The following CC2D2A variants were observed in gnomAD, a reference collection of about 807,000 sequenced individuals.
The protein encoded by CC2D2A is coiled-coil and C2 domain-containing protein 2A.
Under a neutral mutation model 212.9 loss-of-function variants are expected in CC2D2A, and 155 were observed. That is an observed-to-expected ratio of 0.73 (90% CI 0.64 to 0.83). The LOEUF (loss-of-function observed/expected upper bound fraction) is 0.83, where lower values mean the gene tolerates loss of function less well. Among genes scored for constraint, CC2D2A ranks in the 40% least tolerant of loss-of-function variants. The pLI, the probability that CC2D2A is intolerant of heterozygous loss-of-function variation, is 0.00. For missense variants in CC2D2A, 1,856 were observed against 1,956.2 expected (o/e 0.95, Z 0.97); for synonymous variants, 667 against 686.5 (o/e 0.97, Z 0.44).
At chr4:15,524,447 A>ATTTTTTTTTTT (rs71179636) in intron 11 of CC2D2A, among the ~76,000 whole-genome samples, 2 of 89,970 alleles carry the variant, frequency 2.2e-5, no homozygotes, top group Admixed American at 1.3e-4. Flanking sequence ...AAAATTTTTA[A>ATTTTTTTTTTT]TTTTTTTTTT....
intron 15 of CC2D2A, among the ~76,000 whole-genome samples, chr4:15,537,372 T>G (rs1344944205): frequency 6.6e-6 from 1 of 152,216 alleles, no homozygotes; most frequent in East Asian, 1.9e-4. Context: ...AATGCATGTG[T>G]CCAGCACTGT....
intron 11 of CC2D2A, among the ~76,000 whole-genome samples, chr4:15,521,429 C>T (rs1717194494): frequency 6.6e-6 from 1 of 151,996 alleles, no homozygotes. Flanking sequence ...TTCAGTCTGT[C>T]TCTTGCCAAA....
At chr4:15,557,599 G>T in intron 21 of CC2D2A, 92 bp downstream of exon 21, 1 of 745,184 alleles carries the variant, frequency 1.3e-6, no homozygotes, top group Non-Finnish European at 2.0e-6. Context: ...TTTTTGTTAT[G>T]TTGTCACTAG....
chr4:15,563,541 G>A lies in CC2D2A; in HGVS notation c.3182+19G>A. The A allele has an allele frequency of 6.2e-7, 1 of 1,608,198 alleles. No individual in the cohort carries two copies. Among genetic ancestry groups the A allele is most frequent in the Non-Finnish European group, 8.5e-7 (1 of 1,177,582 alleles). On this transcript the variant is annotated intron_variant, in intron 24 of 36. Transcript: ENST00000424120. Reference sequence around the variant, plus strand: ...CAGTGAGGTGAGAGCCCTCCCAACAGCCCGAGATGCAGTGTGCAGCATCCC... The same window carrying A: ...CAGTGAGGTGAGAGCCCTCCCAACAACCCGAGATGCAGTGTGCAGCATCCC...
chr4:15,575,959 T>C (rs1228518884), intron 29 of CC2D2A, among the ~76,000 whole-genome samples: 1 of 152,170 alleles, frequency 6.6e-6, no homozygotes, highest in East Asian at 1.9e-4. Flanking sequence ...CCAAGACTCC[T>C]CCACACTAGG....
At chr4:15,567,588 A>G (rs1038904969) in intron 25 of CC2D2A, 89 bp from the exon 26 acceptor site, 10 of 1,321,976 alleles carry the variant, frequency 7.6e-6, no homozygotes, top group Non-Finnish European at 1.1e-5. Flanking sequence ...CTTTGGAAAC[A>G]TACTACTTAG....
intron 29 of CC2D2A, among the ~76,000 whole-genome samples, chr4:15,579,528 C>G (rs996073388): frequency 6.6e-6 from 1 of 152,110 alleles, no homozygotes; most frequent in African/African-American, 2.4e-5. Flanking sequence ...CATAAATTTG[C>G]TGCCCATTTA....
intron 23 of CC2D2A, among the ~76,000 whole-genome samples, chr4:15,562,220 G>A (rs1719643714): frequency 1.3e-5 from 2 of 152,200 alleles, no homozygotes; most frequent in Non-Finnish European, 2.9e-5. Flanking sequence ...GCAAAGAGGG[G>A]CTCCAGTCAA....
intron 4 of CC2D2A, among the ~76,000 whole-genome samples, chr4:15,490,056 G>T (rs1004456847): frequency 7.2e-5 from 11 of 152,196 alleles, no homozygotes; most frequent in Middle Eastern, 3.4e-3. Context: ...TATCTCCAGC[G>T]TGGACTTCTT....
intron 17 of CC2D2A, 132 bp downstream of exon 17, chr4:15,541,146 T>A: frequency 1.6e-6 from 1 of 607,676 alleles, no homozygotes; most frequent in Non-Finnish European, 2.6e-6. Context: ...ACCACATCTC[T>A]ACTGTAAATA....
Position 15,587,849 on chromosome 4 carries a change from G to A in CC2D2A, c.4099G>A (p.Glu1367Lys), listed in dbSNP as rs761292350. 1.2e-6 allele frequency: 2 copies of A among 1,613,248 alleles called. No homozygotes were observed. Among genetic ancestry groups the A allele is most frequent in the Non-Finnish European group, 1.7e-6 (2 of 1,179,318 alleles). ...FLDLLAGDEE[E>K]HAVLLCNYFL... ...TGATCTCCTGGCAGGGGATGAAGAAGAACATGCAGTACTATTGTGTAATTA... is the reference window on the plus strand; with the variant it reads ...TGATCTCCTGGCAGGGGATGAAGAAAAACATGCAGTACTATTGTGTAATTA... Residue 1367 changes from glutamate (E) to lysine (K), a missense_variant, in exon 32 of 37, where the codon GAA (glutamate) becomes AAA (lysine). By Grantham distance (56) the Glu-to-Lys change is moderately conservative (BLOSUM62 1). Coordinates refer to ENST00000424120, the MANE Select transcript of CC2D2A (RefSeq NM_001378615.1).
At chr4:15,509,405 C>T (rs1444112670) in intron 6 of CC2D2A, among the ~76,000 whole-genome samples, 1 of 151,982 alleles carries the variant, frequency 6.6e-6, no homozygotes, top group East Asian at 1.9e-4. Flanking sequence ...TCCCCAGTAG[C>T]TGGGATTACA....
At chr4:15,555,796 A>G (rs1719247355) in intron 20 of CC2D2A, among the ~76,000 whole-genome samples, 1 of 152,130 alleles carries the variant, frequency 6.6e-6, no homozygotes, top group Admixed American at 6.5e-5. Context: ...AGCAGTAAAT[A>G]TTGTTGTTGT....
At chr4:15,591,311 T>A (rs1474252729) in intron 33 of CC2D2A, among the ~76,000 whole-genome samples, 1 of 149,742 alleles carries the variant, frequency 6.7e-6, no homozygotes, top group Admixed American at 6.7e-5. Context: ...CCTCCGTCTC[T>A]CGGGTTCAAG....
At chr4:15,516,560 G>A in intron 10 of CC2D2A, 65 bp from the exon 11 acceptor site, 2 of 1,491,852 alleles carry the variant, frequency 1.3e-6, no homozygotes, top group Non-Finnish European at 1.8e-6. Context: ...AATGTTGTTT[G>A]TGTTGTGAAC....
intron 17 of CC2D2A, among the ~76,000 whole-genome samples, chr4:15,550,093 G>A (rs1322415689): frequency 6.6e-6 from 1 of 152,220 alleles, no homozygotes; most frequent in African/African-American, 2.4e-5. Context: ...AGTGAAGTGT[G>A]CCAAGAATAC....
chr4:15,475,980 C>T lies in CC2D2A; in HGVS notation c.39+9C>T. The T allele has an allele frequency of 6.3e-7, 1 of 1,586,664 alleles. No individual in the cohort carries two copies. Among genetic ancestry groups the T allele is most frequent in the South Asian group, 1.2e-5 (1 of 86,666 alleles). On this transcript the variant is annotated intron_variant, in intron 2 of 36. Coordinates refer to ENST00000424120, the MANE Select transcript of CC2D2A (RefSeq NM_001378615.1). ...TAAAAATAATTACAGAGGTAAGTGGCCACTTTGATGTCCTCTAGGGATGTG... is the reference window on the plus strand; with the variant it reads ...TAAAAATAATTACAGAGGTAAGTGGTCACTTTGATGTCCTCTAGGGATGTG...
chr4:15,589,384 A>G (rs1292957317), intron 32 of CC2D2A, among the ~76,000 whole-genome samples, 161 bp from the exon 33 acceptor site: 2 of 152,220 alleles, frequency 1.3e-5, no homozygotes. Flanking sequence ...TTTACTTTTT[A>G]AATTCAGCAT....
chr4:15,568,775 G>A (rs543254803), intron 26 of CC2D2A, among the ~76,000 whole-genome samples: 17 of 152,158 alleles, frequency 1.1e-4, no homozygotes, highest in Non-Finnish European at 2.4e-4. Flanking sequence ...ACTCAGAGTG[G>A]GTTATGTTAC....
Sources: gnomAD v4.1 joint callset for allele counts (sites outside exome capture counted in the v4.1 genomes callset) on GRCh38, gnomAD v4.1.1 for gene constraint, MANE v1.5 for transcripts, NCBI Gene and HGNC (gene_info 2026-07-23, HGNC 2026-07-21) for gene names.